Variants in COL5A1 observed in about 807,000 individuals in gnomAD.
COL5A1 encodes the protein collagen type V alpha 1 chain.
In COL5A1, 16 loss-of-function variants were observed where a neutral mutation model predicts 263.7. That is an observed-to-expected ratio of 0.06 (90% CI 0.04 to 0.09). COL5A1 has a LOEUF of 0.09. Ranked by LOEUF, COL5A1 falls within the 10% of genes least tolerant of loss-of-function variation. The pLI, the probability that COL5A1 is intolerant of heterozygous loss-of-function variation, is 1.00. For synonymous variants in COL5A1, 1,012 were observed against 1,004.5 expected, an observed-to-expected ratio of 1.01 and a Z score of -0.14; for missense variants, 2,036 against 2,540.5, an observed-to-expected ratio of 0.80 and a Z score of 4.27.
At chr9:134,669,309 C>CCCCTT (rs1832467205) in intron 1 of COL5A1, among the ~76,000 whole-genome samples, 1 of 112,122 alleles carries the variant, frequency 8.9e-6, no homozygotes, top group East Asian at 3.0e-4. Flanking sequence ...CCCCTCCCCT[C>CCCCTT]CCCTTCCCTT....
Position 134,700,186 on chromosome 9 carries a change from C to A in COL5A1, c.491+64C>A. 6.7e-7 allele frequency: 1 copy of A among 1,492,114 alleles called. No individual in the cohort carries two copies. Among genetic ancestry groups the A allele is most frequent in the Non-Finnish European group, 9.2e-7 (1 of 1,090,410 alleles). The allele number at this position is 1,492,114 out of a possible 1,614,324, so 92.4% of individuals were successfully genotyped here. ...GGGGGGATCAGGCCAGCTCATACCACTGACCAGATGTGGGGCACAGTAGAG... is the reference window on the plus strand; with the variant it reads ...GGGGGGATCAGGCCAGCTCATACCAATGACCAGATGTGGGGCACAGTAGAG... On this transcript the variant is annotated intron_variant, in intron 3 of 65. Transcript: ENST00000371817. The surrounding 1 kb of genome is among the most constrained non-coding windows in gnomAD (Gnocchi z 4.0).
intron 11 of COL5A1, among the ~76,000 whole-genome samples, chr9:134,744,469 A>G (rs1588494148): frequency 6.6e-6 from 1 of 151,890 alleles, no homozygotes; most frequent in East Asian, 1.9e-4. Flanking sequence ...TCACCTATAC[A>G]TACACGTATG....
chr9:134,835,292 A>T (rs1434534616), intron 65 of COL5A1, 88 bp downstream of exon 65: 2 of 1,244,998 alleles, frequency 1.6e-6, no homozygotes, highest in Admixed American at 1.9e-5. Flanking sequence ...TGTCCCCAAG[A>T]TGCCTGCCAG....
Position 134,824,767 on chromosome 9 carries a change from T to G in COL5A1, c.4866T>G (p.Ile1622Met). 2 of 1,614,144 alleles carry G rather than the reference T, an allele frequency of 1.2e-6. No homozygotes were observed. Among genetic ancestry groups the G allele is most frequent in the East Asian group, 4.5e-5 (2 of 44,866 alleles). Residue 1622 changes from isoleucine to methionine, a missense_variant, in exon 62 of 66, where the codon ATT becomes ATG. Ile to Met is a conservative substitution (Grantham distance 10). Transcript: ENST00000371817. ...CTCTCAACTCTCTGAAGCTGGAGAT[T>G]GAGCAGATGAAACGGCCCCTGGGCA... ...FGSLNSLKLEIEQMKRPLGTQ... is the reference protein window; with the variant it reads ...FGSLNSLKLEMEQMKRPLGTQ...
In COL5A1 at chr9:134,732,146, T is replaced by C. The variant is rs1487590785; in HGVS notation, c.1389+19T>C. 4 of 1,614,016 alleles carry C rather than the reference T, an allele frequency of 2.5e-6. No homozygotes were observed. In the South Asian group the frequency reaches 4.4e-5, roughly 18 times the overall value. On this transcript the variant is annotated intron_variant, in intron 9 of 65. Coordinates refer to ENST00000371817, the MANE Select transcript of COL5A1 (RefSeq NM_000093.5). ...CGAGCCGGTGAGGACATTTTCTCATTCCCTCCCTGCGCCGGGGTGTCCGCT... is the reference window on the plus strand; with the variant it reads ...CGAGCCGGTGAGGACATTTTCTCATCCCCTCCCTGCGCCGGGGTGTCCGCT...
In COL5A1 at chr9:134,647,861, G is replaced by C. The variant is rs1433423738; in HGVS notation, c.109+5565G>C. 6.6e-6 allele frequency among the ~76,000 whole-genome samples: 1 copy of C among 152,182 alleles called. No individual in the cohort carries two copies. Among genetic ancestry groups the C allele is most frequent in the East Asian group, 1.9e-4 (1 of 5,202 alleles). On this transcript the variant is annotated intron_variant, in intron 1 of 65. Coordinates refer to ENST00000371817, the MANE Select transcript of COL5A1 (RefSeq NM_000093.5). This position sits in a 1 kb window ranked among gnomAD's most constrained non-coding sequence, Gnocchi z 5.0. ...TGTCGGTTTTAAAGTTTCTGGCCTG[G>C]CTGGTGGATGTGCCTCGATCCTGCA...
rs750169623 is a variant in COL5A1, at chr9:134,809,245, G to A, written c.3429G>A (p.Pro1143=). The change falls in exon 43 of 66, where the codon CCG becomes CCA. Residue 1143 remains proline, a synonymous_variant. Transcript: ENST00000371817. ...RDGLQGPVGL[P]GPAGPVGPPG... ...GTCTCCAGGGGCCTGTGGGGCTCCC[G>A]GGTCCAGCTGGCCCTGTGGGTCCCC... 78 of 1,608,350 alleles carry A rather than the reference G, an allele frequency of 4.8e-5. No homozygotes were observed. The South Asian group carries it at 5.1e-4, about 11-fold the overall frequency.
chr9:134,842,557 C>G lies in COL5A1; in HGVS notation c.*254C>G. 3.4e-6 allele frequency: 2 copies of G among 584,834 alleles called. No homozygotes were observed. Among genetic ancestry groups the G allele is most frequent in the Non-Finnish European group, 6.1e-6 (2 of 327,492 alleles). 36.2% of individuals were successfully genotyped at this position (584,834 alleles called of 1,614,324 possible). Reference sequence around the variant, plus strand: ...CCAGCGCCTGGGCCCGCCCCACGCTCTGTCCACACCCACGCGCCCCGGGAG... The same window carrying G: ...CCAGCGCCTGGGCCCGCCCCACGCTGTGTCCACACCCACGCGCCCCGGGAG... On this transcript the variant is annotated 3_prime_UTR_variant, in exon 66 of 66. Coordinates refer to ENST00000371817, the MANE Select transcript of COL5A1 (RefSeq NM_000093.5). The surrounding 1 kb of genome is among the most constrained non-coding windows in gnomAD (Gnocchi z 5.8).
At chr9:134,761,674 G>T (rs747110739) in intron 18 of COL5A1, among the ~76,000 whole-genome samples, 1 of 152,202 alleles carries the variant, frequency 6.6e-6, no homozygotes, top group South Asian at 2.1e-4. Context: ...CCTGCCTTGC[G>T]CTGCTGGGTG....
chr9:134,823,585 A>G, intron 61 of COL5A1, 116 bp downstream of exon 61: 3 of 1,125,310 alleles, frequency 2.7e-6, no homozygotes, highest in South Asian at 1.3e-5. Context: ...CCCATGTGGC[A>G]TGCCCGGGCC....
chr9:134,804,183 CAT>C (rs919519990), intron 39 of COL5A1, among the ~76,000 whole-genome samples: 8 of 152,256 alleles, frequency 5.3e-5, no homozygotes, highest in African/African-American at 1.9e-4. Context: ...AATAAATACA[CAT>C]GTGTACATGC....
rs200294599 is a variant in COL5A1, at chr9:134,759,664, G to A, written c.1935+1368G>A. On this transcript the variant is annotated intron_variant, in intron 18 of 65. Transcript: ENST00000371817. ...CATACACACATGCACACATACGCAT[G>A]CACACCCCCACACCCCCACACTCAT... is the stretch of plus-strand genomic sequence containing the variant. Among the ~76,000 whole-genome samples, 705 of 62,012 alleles carry A rather than the reference G, an allele frequency of 0.011. 68 individuals carry two copies. The East Asian group carries it at 0.2, about 18-fold the overall frequency. 40.7% of individuals were successfully genotyped at this position (62,012 alleles called of 152,430 possible). A position where few individuals can be genotyped will look rare whatever the true frequency, so the allele number is the denominator to read the frequency against.
chr9:134,671,091 T>C (rs1407219227), intron 1 of COL5A1, among the ~76,000 whole-genome samples: 1 of 142,642 alleles, frequency 7.0e-6, no homozygotes, highest in Non-Finnish European at 1.5e-5. Flanking sequence ...GTTGGATTCT[T>C]GCAGATGGAT....
chr9:134,727,338 G>C lies in COL5A1; in HGVS notation c.727G>C (p.Asp243His). Residue 243 changes from aspartate to histidine, a missense_variant, in exon 5 of 66, where the codon GAC becomes CAC. Physicochemically the swap from Asp to His is moderately conservative, Grantham distance 81 (BLOSUM62 -1). This residue lies in a region of COL5A1 where 600 missense variants were observed against 634.5 expected (regional missense o/e 0.95). Coordinates refer to ENST00000371817, the MANE Select transcript of COL5A1 (RefSeq NM_000093.5). ...TGATTACTGTGAGCACTACAGCCCT[G>C]ACTGTGACACCGCAGTACCTGACAC... ...AYDYCEHYSP[D>H]CDTAVPDTPQ... 6.2e-7 allele frequency: 1 copy of C among 1,614,096 alleles called. No homozygotes were observed. Among genetic ancestry groups the C allele is most frequent in the Non-Finnish European group, 8.5e-7 (1 of 1,179,962 alleles).
intron 8 of COL5A1, 150 bp from the exon 9 acceptor site, chr9:134,731,921 C>CA (rs538327353): frequency 4.8e-4 from 467 of 982,372 alleles, no homozygotes; most frequent in Non-Finnish European, 7.2e-4. Context: ...TGGCCTCTGT[C>CA]ACGCTCCTGC....
intron 63 of COL5A1, among the ~76,000 whole-genome samples, chr9:134,827,582 A>G (rs1211973344): frequency 6.6e-6 from 1 of 152,224 alleles, no homozygotes; most frequent in Non-Finnish European, 1.5e-5. Flanking sequence ...ATCACGGGCC[A>G]GACTCCTCCA....
rs749030419 is a variant in COL5A1 at position 134,701,210 on chromosome 9, C to T, written c.531C>T (p.Val177=). The T allele has an allele frequency of 1.2e-6, 2 of 1,613,978 alleles. No homozygotes were observed. Among genetic ancestry groups the T allele is most frequent in the South Asian group, 2.2e-5 (2 of 91,068 alleles). The change falls in exon 4 of 66, where the codon GTC becomes GTT. Residue 177 remains valine (V), a synonymous_variant. Transcript: ENST00000371817. ...CTCTCAGCGTCCACAAGAAAAATGTCACCTTGATCCTCGACTGTAAAAAGA... is the reference window on the plus strand; with the variant it reads ...CTCTCAGCGTCCACAAGAAAAATGTTACCTTGATCCTCGACTGTAAAAAGA... ...RIALSVHKKN[V]TLILDCKKKT...
intron 9 of COL5A1, among the ~76,000 whole-genome samples, chr9:134,734,866 G>C (rs1444440470): frequency 6.6e-6 from 1 of 152,196 alleles, no homozygotes; most frequent in Non-Finnish European, 1.5e-5. Context: ...CCTCCATTGA[G>C]ATTGTCTTGA....
At chr9:134,685,245 A>G (rs1588435476) in intron 1 of COL5A1, among the ~76,000 whole-genome samples, 1 of 127,294 alleles carries the variant, frequency 7.9e-6, no homozygotes, top group East Asian at 2.6e-4. Flanking sequence ...CCATTCATCC[A>G]TCCATCCACC....
Sources: allele counts gnomAD v4.1 joint callset (sites outside exome capture counted in the v4.1 genomes callset), GRCh38; gene constraint gnomAD v4.1.1; regional missense constraint gnomAD v4.1.1; non-coding constraint Gnocchi (gnomAD v3.1); transcripts MANE v1.5; gene names NCBI Gene and HGNC (gene_info 2026-07-23, HGNC 2026-07-21).